Variants in BLTP1 observed in about 807,000 individuals in gnomAD.
BLTP1 encodes bridge-like lipid transfer protein family member 1.
chr4:122,250,695 T>C, the BLTP1 span: 3 of 967,970 alleles, frequency 3.1e-6, no homozygotes, highest in Non-Finnish European at 4.6e-6. Context: ...TTTGGATTTA[T>C]GATATCTGCT....
the BLTP1 span, chr4:122,197,315 A>G: frequency 8.1e-7 from 1 of 1,236,200 alleles, no homozygotes; most frequent in Non-Finnish European, 1.1e-6. Context: ...ATAATTAGGG[A>G]AATAATTATA....
chr4:122,255,763 C>T, the BLTP1 span, among the ~76,000 whole-genome samples: 9 of 152,042 alleles, frequency 5.9e-5, 1 homozygote, highest in African/African-American at 2.2e-4. Flanking sequence ...GATGAGATTT[C>T]CAGGAATGCT....
the BLTP1 span, chr4:122,249,430 T>G: frequency 6.3e-7 from 1 of 1,583,168 alleles, no homozygotes; most frequent in Admixed American, 1.8e-5. Context: ...GTTTGTGTTT[T>G]TTAATGTAAG....
chr4:122,211,117 T>TA, the BLTP1 span: 1 of 1,579,058 alleles, frequency 6.3e-7, no homozygotes, highest in South Asian at 1.1e-5. Context: ...AAAAACAACT[T>TA]ACATACTTTT....
chr4:122,362,565 G>A, the BLTP1 span: 2 of 174,112 alleles, frequency 1.1e-5, no homozygotes, highest in African/African-American at 2.4e-5. Flanking sequence ...TTATTGGATT[G>A]GCCGTAACTT....
At chr4:122,183,335 CAAAA>C in the BLTP1 span, 96 of 734,784 alleles carry the variant, frequency 1.3e-4, no homozygotes, top group East Asian at 1.4e-4. Flanking sequence ...GACCCTGTCT[CAAAA>C]AAAAAAAAAA....
the BLTP1 span, chr4:122,324,394 A>G: frequency 6.2e-7 from 1 of 1,600,730 alleles, no homozygotes; most frequent in South Asian, 1.1e-5. Flanking sequence ...ATAATCACCT[A>G]TAGTCACCCT....
chr4:122,194,579 G>T, the BLTP1 span: 3 of 966,214 alleles, frequency 3.1e-6, no homozygotes, highest in African/African-American at 1.8e-5. Context: ...CTCAAGAAAG[G>T]TTTATTTTAT....
the BLTP1 span, among the ~76,000 whole-genome samples, chr4:122,310,554 G>T: frequency 2.6e-5 from 4 of 152,216 alleles, no homozygotes; most frequent in Admixed American, 6.5e-5. Flanking sequence ...TGAGTTAAGC[G>T]TAGTAAACTG....
the BLTP1 span, chr4:122,247,047 G>A: frequency 2.3e-6 from 3 of 1,325,138 alleles, no homozygotes; most frequent in African/African-American, 3.0e-5. Context: ...TACTATTGGT[G>A]TATAATAGTA....
At chr4:122,320,989 C>CTTT in the BLTP1 span, among the ~76,000 whole-genome samples, 1 of 122,980 alleles carries the variant, frequency 8.1e-6, no homozygotes, top group African/African-American at 3.0e-5. Context: ...TTTTTCTTTT[C>CTTT]TTTTTTTTTT....
chr4:122,259,964 C>T, the BLTP1 span: 2 of 860,542 alleles, frequency 2.3e-6, no homozygotes, highest in Non-Finnish European at 2.8e-6. Context: ...AAAATTTCTA[C>T]ACAGAACAAA....
the BLTP1 span, chr4:122,192,531 T>G: frequency 3.5e-6 from 2 of 568,934 alleles, no homozygotes; most frequent in Non-Finnish European, 5.9e-6. Context: ...AAAACTTGCT[T>G]GTGGCTTCTC....
At chr4:122,279,906 T>A in the BLTP1 span, 1 of 1,614,136 alleles carries the variant, frequency 6.2e-7, no homozygotes, top group Non-Finnish European at 8.5e-7. Context: ...CCTGCCACCT[T>A]ACATAGCATG....
chr4:122,279,627 T>A, the BLTP1 span: 2 of 853,812 alleles, frequency 2.3e-6, no homozygotes, highest in Non-Finnish European at 3.5e-6. Flanking sequence ...TTCTGAAATC[T>A]ACACTTTTTT....
At chr4:122,276,455 G>A in the BLTP1 span, 4 of 978,524 alleles carry the variant, frequency 4.1e-6, no homozygotes, top group Non-Finnish European at 4.9e-6. Context: ...ATTTAAGATG[G>A]GGAGAGTTGA....
the BLTP1 span, chr4:122,171,641 GTTT>G: frequency 1.2e-4 from 13 of 110,336 alleles, no homozygotes; most frequent in Non-Finnish European, 1.9e-4. Context: ...GGTTACACAG[GTTT>G]TTTTTTTTTT....
the BLTP1 span, among the ~76,000 whole-genome samples, chr4:122,248,428 T>C: frequency 6.6e-6 from 1 of 152,040 alleles, no homozygotes; most frequent in South Asian, 2.1e-4. Flanking sequence ...TGTCTTTGCT[T>C]ATATGTACAT....
At chr4:122,308,550 T>C in the BLTP1 span, among the ~76,000 whole-genome samples, 1 of 152,120 alleles carries the variant, frequency 6.6e-6, no homozygotes. Context: ...TTAATGAACT[T>C]AACCTGTAAT....
Sources: gnomAD v4.1 joint callset for allele counts (sites outside exome capture counted in the v4.1 genomes callset) on GRCh38, gnomAD v4.1.1 for gene constraint, MANE v1.5 for transcripts, NCBI Gene and HGNC (gene_info 2026-07-23, HGNC 2026-07-21) for gene names.